Variants in NHSL1 observed in about 807,000 individuals in gnomAD.
NHSL1 encodes NHS-like protein 1.
NHSL1 carries 48 observed loss-of-function variants against 95.0 expected under a neutral mutation model. That is an observed-to-expected ratio of 0.51 (90% CI 0.40 to 0.64). The LOEUF (loss-of-function observed/expected upper bound fraction) is 0.64. Ranked by LOEUF, NHSL1 falls within the 30% of genes least tolerant of loss-of-function variation. The pLI is 0.00. For missense variants in NHSL1, 1,971 were observed against 2,077.7 expected (o/e 0.95, Z 1.00); for synonymous variants, 783 against 833.9 (o/e 0.94, Z 1.05).
chr6:138,424,919 T>A lies in NHSL1; in HGVS notation c.4086-103A>T. 1.0e-6 allele frequency: 1 copy of A among 964,644 alleles called. No individual in the cohort carries two copies. Among genetic ancestry groups the A allele is most frequent in the Non-Finnish European group, 1.5e-6 (1 of 665,658 alleles). 59.8% of individuals were successfully genotyped at this position (964,644 alleles called of 1,614,324 possible). A position where few individuals can be genotyped will look rare whatever the true frequency, so the allele number is the denominator to read the frequency against. On this transcript the variant is annotated intron_variant, in intron 7 of 7. Coordinates refer to ENST00000343505, the MANE Select transcript of NHSL1 (RefSeq NM_001144060.2). This position sits in a 1 kb window ranked among gnomAD's most constrained non-coding sequence, Gnocchi z 5.9. Reference sequence around the variant, plus strand: ...TCGCATCTTCAGGTCACCATCTACTTAAGATTCACTTTCAAAAAATTTATT... The same window carrying A: ...TCGCATCTTCAGGTCACCATCTACTAAAGATTCACTTTCAAAAAATTTATT...
At chr6:138,550,197 C>CCTGGG (rs1309281944), upstream of NHSL1, among the ~76,000 whole-genome samples, 1 of 152,048 alleles carries the variant, frequency 6.6e-6, no homozygotes, top group Non-Finnish European at 1.5e-5. Context: ...TGGGATCGTG[C>CCTGGG]CACTGTATTC....
At chr6:138,511,190 C>T (rs1781206466) in intron 1 of NHSL1, among the ~76,000 whole-genome samples, 1 of 152,190 alleles carries the variant, frequency 6.6e-6, no homozygotes, top group South Asian at 2.1e-4. Flanking sequence ...TGGCATTCTT[C>T]ATATCTTAGC....
chr6:138,671,662 A>C (rs957547518), intron 1 of NHSL1, among the ~76,000 whole-genome samples: 4 of 152,192 alleles, frequency 2.6e-5, no homozygotes, highest in African/African-American at 9.7e-5. Flanking sequence ...CATATCTCCA[A>C]GAAGACAAAA....
At chr6:138,602,886 G>A (rs1289739865) in intron 1 of NHSL1, among the ~76,000 whole-genome samples, 1 of 152,212 alleles carries the variant, frequency 6.6e-6, no homozygotes, top group African/African-American at 2.4e-5. Context: ...TCAAGGGACT[G>A]TGGTGTTGTG....
intron 1 of NHSL1, among the ~76,000 whole-genome samples, chr6:138,606,286 C>T (rs1323177933): frequency 6.6e-6 from 1 of 152,220 alleles, no homozygotes; most frequent in Non-Finnish European, 1.5e-5. Flanking sequence ...ACCACTGTCT[C>T]ATTTCCATCT....
chr6:138,610,868 G>A lies in NHSL1; in HGVS notation c.96+81608C>T, dbSNP rs140772641. Among the ~76,000 whole-genome samples, 1,506 of 152,046 alleles carry A rather than the reference G, an allele frequency of 9.9e-3. 28 individuals carry two copies. Among genetic ancestry groups the A allele is most frequent in the African/African-American group, 0.033 (1,388 of 41,478 alleles). On this transcript the variant is annotated intron_variant, in intron 1 of 3. Transcript: ENST00000491526. ...TGAGATGAGTGGATCACCTGAGGTC[G>A]GGAGTTCAAGACCAGCCTGACGAAC...
intron 1 of NHSL1, among the ~76,000 whole-genome samples, chr6:138,666,985 C>T (rs1262499006): frequency 6.6e-6 from 1 of 152,096 alleles, no homozygotes; most frequent in African/African-American, 2.4e-5. Context: ...ACCAACGATA[C>T]TGAATTAAAC....
chr6:138,531,776 G>T (rs1369772381), intron 1 of NHSL1, among the ~76,000 whole-genome samples: 1 of 152,134 alleles, frequency 6.6e-6, no homozygotes, highest in Non-Finnish European at 1.5e-5. Flanking sequence ...GCCTTCTAAA[G>T]TGCTGGGATT....
At chr6:138,552,987 G>T (rs181761471) in intron 1 of NHSL1, among the ~76,000 whole-genome samples, 1 of 151,850 alleles carries the variant, frequency 6.6e-6, no homozygotes, top group Middle Eastern at 3.4e-3. Flanking sequence ...TTTTTCTTTC[G>T]AAATCTGACC....
chr6:138,464,111 ATCCTCACCGCTATCTGG>A, intron 3 of NHSL1: 1 of 514,864 alleles, frequency 1.9e-6, no homozygotes, highest in Non-Finnish European at 3.6e-6. Flanking sequence ...GTGTTCAGCT[ATCCTCACCGCTATCTGG>A]TCCTCGATCT....
At chr6:138,427,692 C>T (rs1775352791) in intron 7 of NHSL1, among the ~76,000 whole-genome samples, 1 of 152,208 alleles carries the variant, frequency 6.6e-6, no homozygotes, top group South Asian at 2.1e-4. Flanking sequence ...TGGTGTTCTA[C>T]ATTTTCCATC....
intron 1 of NHSL1, among the ~76,000 whole-genome samples, chr6:138,519,552 A>G (rs1012294470): frequency 5.9e-5 from 9 of 152,330 alleles, no homozygotes; most frequent in Admixed American, 4.6e-4. Context: ...ACATTTGCAC[A>G]AGATTTTTTT....
chr6:138,691,354 C>T (rs1010956800), intron 1 of NHSL1, among the ~76,000 whole-genome samples: 2 of 152,142 alleles, frequency 1.3e-5, no homozygotes, highest in African/African-American at 4.8e-5. Flanking sequence ...AATTATACAA[C>T]TTGGAGAAAG....
At chr6:138,503,267 C>T (rs992776273), upstream of NHSL1, among the ~76,000 whole-genome samples, 1 of 152,104 alleles carries the variant, frequency 6.6e-6, no homozygotes, top group African/African-American at 2.4e-5. Flanking sequence ...CATATGATGG[C>T]TCCTTCTCCG....
Position 138,537,034 on chromosome 6 carries a change from C to T in NHSL1, c.16+8589G>A, listed in dbSNP as rs763762221. The stretch of plus-strand genomic sequence containing the variant: ...CAACCTAAAATAAGGACATTTCCAC[C>T]TATATAAGGATAAAACCATCCACCC... On this transcript the variant is annotated intron_variant, in intron 1 of 4. Transcript: ENST00000342260. 1.8e-4 allele frequency among the ~76,000 whole-genome samples: 27 copies of T among 152,162 alleles called. 1 individual carries two copies. The highest frequency in any genetic ancestry group is 4.6e-4 in the African/African-American group (19 of 41,450).
At chr6:138,689,138 A>G (rs1785626330) in intron 1 of NHSL1, among the ~76,000 whole-genome samples, 1 of 152,190 alleles carries the variant, frequency 6.6e-6, no homozygotes, top group African/African-American at 2.4e-5. Flanking sequence ...GCACTAAGTC[A>G]CTAAGTATTA....
intron 2 of NHSL1, among the ~76,000 whole-genome samples, chr6:138,486,678 C>T (rs1345102756): frequency 2.6e-5 from 4 of 152,184 alleles, no homozygotes; most frequent in African/African-American, 7.2e-5. Flanking sequence ...GATCTCTCTC[C>T]TGTGTTTTAG....
intron 1 of NHSL1, among the ~76,000 whole-genome samples, chr6:138,629,399 T>A: frequency 1.3e-5 from 2 of 151,106 alleles, no homozygotes; most frequent in African/African-American, 2.4e-5. Context: ...CTTTTTTTTT[T>A]GAGACGGAGT....
intron 1 of NHSL1, among the ~76,000 whole-genome samples, chr6:138,523,651 AAC>A (rs1210117519): frequency 6.6e-6 from 1 of 151,500 alleles, no homozygotes; most frequent in Non-Finnish European, 1.5e-5. Flanking sequence ...AAAAAAAAAA[AAC>A]AGAGCTAAAA....
Sources: allele counts gnomAD v4.1 joint callset (sites outside exome capture counted in the v4.1 genomes callset), GRCh38; gene constraint gnomAD v4.1.1; non-coding constraint Gnocchi (gnomAD v3.1); transcripts MANE v1.5; gene names NCBI Gene and HGNC (gene_info 2026-07-23, HGNC 2026-07-21).